The following TNFSF4 variants were observed in gnomAD, a reference collection of about 807,000 sequenced individuals.
The protein encoded by TNFSF4 is tumor necrosis factor ligand superfamily member 4.
TNFSF4 carries 4 observed loss-of-function variants against 7.3 expected under a neutral mutation model. The observed-to-expected ratio is 0.55, with a 90% confidence interval of 0.27 to 1.25. The LOEUF (loss-of-function observed/expected upper bound fraction) is 1.25. Ranked by LOEUF, TNFSF4 falls within the 50% of genes most tolerant of loss-of-function variation. TNFSF4 has a pLI of 0.12. For synonymous variants in TNFSF4, 76 were observed against 83.7 expected, an observed-to-expected ratio of 0.91 and a Z score of 0.50; for missense variants, 181 against 208.8, an observed-to-expected ratio of 0.87 and a Z score of 0.82.
At chr1:173,178,029 A>C in the TNFSF4 span, among the ~76,000 whole-genome samples, 12 of 152,200 alleles carry the variant, frequency 7.9e-5, no homozygotes, top group African/African-American at 2.9e-4. Context: ...AGAACAGTTT[A>C]AAACACATTT....
At chr1:173,255,039 G>T in the TNFSF4 span, among the ~76,000 whole-genome samples, 1 of 152,166 alleles carries the variant, frequency 6.6e-6, no homozygotes, top group East Asian at 1.9e-4. Flanking sequence ...GGTCTGAGAA[G>T]TTGCTGGGGA....
the TNFSF4 span, among the ~76,000 whole-genome samples, chr1:173,327,178 A>G: frequency 6.6e-6 from 1 of 152,234 alleles, no homozygotes; most frequent in African/African-American, 2.4e-5. Flanking sequence ...GATATAGACC[A>G]ATGGAACAGA....
chr1:173,443,906 T>A, the TNFSF4 span, among the ~76,000 whole-genome samples: 22 of 152,318 alleles, frequency 1.4e-4, no homozygotes, highest in African/African-American at 5.3e-4. Flanking sequence ...CTGATTGAAA[T>A]GTAGAGAAAG....
the TNFSF4 span, among the ~76,000 whole-genome samples, chr1:173,324,500 T>C: frequency 1.3e-5 from 2 of 152,146 alleles, no homozygotes; most frequent in Non-Finnish European, 1.5e-5. Flanking sequence ...CAGGATCAAA[T>C]TCACACATAA....
the TNFSF4 span, among the ~76,000 whole-genome samples, chr1:173,340,774 T>C: frequency 6.6e-6 from 1 of 151,746 alleles, no homozygotes; most frequent in Non-Finnish European, 1.5e-5. Context: ...TGGGTAGGCT[T>C]TCCCTCTCCC....
the TNFSF4 span, chr1:173,362,419 T>C: frequency 2.1e-6 from 1 of 465,310 alleles, no homozygotes; most frequent in South Asian, 1.8e-5. Context: ...GCTCTTTCCT[T>C]CTTCATCCAG....
the TNFSF4 span, among the ~76,000 whole-genome samples, chr1:173,406,956 AG>A: frequency 6.6e-6 from 1 of 152,202 alleles, no homozygotes; most frequent in South Asian, 2.1e-4. Context: ...GAGCAGGGCG[AG>A]GAGGGGAATC....
the TNFSF4 span, among the ~76,000 whole-genome samples, chr1:173,242,403 T>C: frequency 2.0e-5 from 3 of 152,086 alleles, no homozygotes; most frequent in Non-Finnish European, 4.4e-5. Context: ...TGCTTGACAA[T>C]TAGTTTTATA....
the TNFSF4 span, among the ~76,000 whole-genome samples, chr1:173,212,831 T>C: frequency 2.6e-5 from 4 of 151,528 alleles, no homozygotes; most frequent in Admixed American, 2.6e-4. Context: ...TATTCACAAT[T>C]TTTTAATTAA....
the TNFSF4 span, among the ~76,000 whole-genome samples, chr1:173,288,574 T>C: frequency 1.3e-5 from 2 of 152,212 alleles, no homozygotes; most frequent in Admixed American, 6.5e-5. Flanking sequence ...TTCTCTCATA[T>C]ACATGTGAAA....
chr1:173,186,597 A>G lies in TNFSF4; in HGVS notation c.471T>C (p.Asn157=), dbSNP rs201946012. 24 of 1,614,162 alleles carry G rather than the reference A, an allele frequency of 1.5e-5. No homozygotes were observed. Among genetic ancestry groups the G allele is most frequent in the Middle Eastern group, 1.6e-4 (1 of 6,062 alleles). Residue 157 remains asparagine (N), a synonymous_variant, in exon 3 of 3, where the codon AAT becomes AAC. Transcript: ENST00000281834. ...TCACATGGAAGTCATCCAGGGAGGT[A>G]TTGTCAGTGGTCACATTCAAGTAGA... is the stretch of plus-strand genomic sequence containing the variant. The part of the protein sequence containing the change: ...DKVYLNVTTD[N]TSLDDFHVNG...
the TNFSF4 span, among the ~76,000 whole-genome samples, chr1:173,412,617 A>G: frequency 7.9e-5 from 12 of 152,246 alleles, no homozygotes; most frequent in Non-Finnish European, 1.3e-4. Flanking sequence ...TCCAAAATAA[A>G]GAACTGCTGC....
the TNFSF4 span, among the ~76,000 whole-genome samples, chr1:173,249,876 T>C: frequency 1.3e-5 from 2 of 152,228 alleles, no homozygotes; most frequent in African/African-American, 4.8e-5. Context: ...CAGTCAACAC[T>C]TAATAAATAT....
At chr1:173,344,305 T>C in the TNFSF4 span, among the ~76,000 whole-genome samples, 2 of 152,172 alleles carry the variant, frequency 1.3e-5, no homozygotes, top group Non-Finnish European at 2.9e-5. Context: ...CAGTATGGCA[T>C]GGGGGAAAGT....
the TNFSF4 span, among the ~76,000 whole-genome samples, chr1:173,344,410 C>G: frequency 1.3e-5 from 2 of 152,212 alleles, no homozygotes; most frequent in African/African-American, 4.8e-5. Flanking sequence ...GTTTGGCTCT[C>G]CTCATTTGCA....
In TNFSF4 at chr1:173,186,784, A is replaced by G; in HGVS notation, c.284T>C (p.Ile95Thr). Residue 95 changes from isoleucine to threonine, a missense_variant, in exon 3 of 3, where the codon ATC (isoleucine) becomes ACC (threonine). By Grantham distance (89) the Ile-to-Thr change is moderately conservative (BLOSUM62 -1). Transcript: ENST00000281834. ...GATGAGATAAAACCCATCACAGTTG[A>G]TGATGACTGAGTTGTTCTGCACCTT... The part of the protein sequence containing the change: ...IMKVQNNSVI[I>T]NCDGFYLISL... 1.2e-6 allele frequency: 2 copies of G among 1,614,114 alleles called. No individual in the cohort carries two copies. The highest frequency in any genetic ancestry group is 1.7e-6 in the Non-Finnish European group (2 of 1,179,980).
the TNFSF4 span, among the ~76,000 whole-genome samples, chr1:173,305,611 C>A: frequency 1.3e-5 from 2 of 151,640 alleles, no homozygotes; most frequent in Admixed American, 6.6e-5. Flanking sequence ...CCACTTAAAA[C>A]CTCTATATTA....
chr1:173,275,715 A>C, the TNFSF4 span, among the ~76,000 whole-genome samples: 1 of 152,112 alleles, frequency 6.6e-6, no homozygotes, highest in African/African-American at 2.4e-5. Flanking sequence ...GGGGGAAAAA[A>C]AGTTGTTGAC....
chr1:173,226,746 G>A, the TNFSF4 span, among the ~76,000 whole-genome samples: 1 of 152,090 alleles, frequency 6.6e-6, no homozygotes, highest in African/African-American at 2.4e-5. Context: ...GCTGTTAACT[G>A]AACTGACTCT....
Sources: gnomAD v4.1 joint callset for allele counts (sites outside exome capture counted in the v4.1 genomes callset) on GRCh38, gnomAD v4.1.1 for gene constraint, MANE v1.5 for transcripts, NCBI Gene and HGNC (gene_info 2026-07-23, HGNC 2026-07-21) for gene names.